Variants in NBAS observed in about 807,000 individuals in gnomAD.
NBAS encodes NAG/BC035112 fusion.
A neutral mutation model predicts 302.5 loss-of-function variants in NBAS; 219 were observed. The ratio of observed to expected loss-of-function variants is 0.72; its 90% CI spans 0.65 to 0.81. The LOEUF (loss-of-function observed/expected upper bound fraction) is 0.81. Ranked by LOEUF, NBAS falls within the 30% of genes least tolerant of loss-of-function variation. The probability of loss-of-function intolerance (pLI) is 0.00; values close to 1 mark genes in which losing one functional copy is unlikely to be tolerated. For synonymous variants in NBAS, 1,118 were observed against 1,021.6 expected (o/e 1.09, Z -1.80); for missense variants, 2,932 against 2,841.6 (o/e 1.03, Z -0.72).
At chr2:14,933,594 C>G in the NBAS span, among the ~76,000 whole-genome samples, 1 of 151,950 alleles carries the variant, frequency 6.6e-6, no homozygotes, top group Non-Finnish European at 1.5e-5. Context: ...AACAAATGAC[C>G]CTCTTTTTTA....
At chr2:15,404,500 CTT>C (rs546532032) in intron 25 of NBAS, among the ~76,000 whole-genome samples, 11 of 148,808 alleles carry the variant, frequency 7.4e-5, no homozygotes, top group Non-Finnish European at 1.5e-4. Flanking sequence ...TAAATAATCA[CTT>C]TTTTTTTTAA....
At chr2:15,329,074 T>C (rs1487099938) in intron 36 of NBAS, among the ~76,000 whole-genome samples, 3 of 152,186 alleles carry the variant, frequency 2.0e-5, no homozygotes, top group African/African-American at 7.2e-5. Context: ...GCAAGAACTT[T>C]AGTATGCCTA....
chr2:14,795,818 G>A, the NBAS span, among the ~76,000 whole-genome samples: 15 of 152,226 alleles, frequency 9.9e-5, no homozygotes, highest in African/African-American at 3.6e-4. Flanking sequence ...AACCCCAACT[G>A]TAACAGCCAA....
At chr2:15,114,020 G>A in the NBAS span, among the ~76,000 whole-genome samples, 433 of 152,046 alleles carry the variant, frequency 2.8e-3, 1 homozygote, top group African/African-American at 9.8e-3. Context: ...CAAAATAAAC[G>A]AACTTAAATA....
At chr2:15,269,539 A>T (rs1034520117) in intron 44 of NBAS, among the ~76,000 whole-genome samples, 1 of 152,206 alleles carries the variant, frequency 6.6e-6, no homozygotes, top group African/African-American at 2.4e-5. Flanking sequence ...AAAAATTCAA[A>T]TTTTGGAAAA....
chr2:15,454,528 C>T (rs1028749390), intron 21 of NBAS, among the ~76,000 whole-genome samples: 2 of 152,182 alleles, frequency 1.3e-5, no homozygotes, highest in Non-Finnish European at 2.9e-5. Flanking sequence ...AAACAACTTA[C>T]ATGTTACACA....
chr2:15,408,788 T>C (rs1296081565), intron 25 of NBAS, among the ~76,000 whole-genome samples: 1 of 152,200 alleles, frequency 6.6e-6, no homozygotes, highest in Admixed American at 6.5e-5. Context: ...TTTCTCTGAA[T>C]CTATAAAATG....
chr2:15,218,571 G>A (rs1343813087), intron 48 of NBAS, among the ~76,000 whole-genome samples: 7 of 152,088 alleles, frequency 4.6e-5, no homozygotes, highest in Non-Finnish European at 5.9e-5. Flanking sequence ...CTACAGATGC[G>A]TGCCACCACA....
intron 41 of NBAS, among the ~76,000 whole-genome samples, chr2:15,291,595 C>T (rs1443074148): frequency 6.6e-6 from 1 of 152,202 alleles, no homozygotes; most frequent in African/African-American, 2.4e-5. Flanking sequence ...AGGTCTCCGC[C>T]TGGGCCTTGA....
the NBAS span, among the ~76,000 whole-genome samples, chr2:14,879,030 A>G: frequency 6.6e-6 from 1 of 152,154 alleles, no homozygotes. Context: ...CTTTTCCAGA[A>G]TGGCATATAT....
chr2:14,781,806 G>A, the NBAS span, among the ~76,000 whole-genome samples: 1 of 151,104 alleles, frequency 6.6e-6, no homozygotes, highest in Admixed American at 6.6e-5. Flanking sequence ...AGATGCAGAT[G>A]TGCAAAAGGC....
chr2:15,177,270 G>C (rs898852317), intron 51 of NBAS, among the ~76,000 whole-genome samples: 1 of 152,158 alleles, frequency 6.6e-6, no homozygotes, highest in Non-Finnish European at 1.5e-5. Flanking sequence ...AAAGTGTTAC[G>C]GAAGTAAATC....
chr2:15,185,413 C>T (rs1665028792), intron 50 of NBAS, among the ~76,000 whole-genome samples: 1 of 152,148 alleles, frequency 6.6e-6, no homozygotes, highest in African/African-American at 2.4e-5. Context: ...TGGTCCTGAT[C>T]TAATAATGCT....
Position 15,396,493 on chromosome 2 carries a change from GAA to G in NBAS, c.3072-20_3072-19del. On this transcript the variant is annotated intron_variant, in intron 26 of 51. Transcript: ENST00000281513. ...TCTTATCACTAATAAATTAAAAGAA[GAA>G]AAAAAAAAGCCCTTAAGTTTAGTAT... The G allele has an allele frequency of 6.6e-6, 9 of 1,355,958 alleles. No individual in the cohort carries two copies. Among genetic ancestry groups the G allele is most frequent in the Admixed American group, 5.1e-5 (2 of 39,556 alleles). The allele number at this position is 1,355,958 out of a possible 1,614,324, so 84.0% of individuals were successfully genotyped here.
the NBAS span, among the ~76,000 whole-genome samples, chr2:14,910,028 C>T: frequency 0.023 from 3,572 of 152,276 alleles, 144 homozygotes; most frequent in African/African-American, 0.082. Context: ...TTCTCAGACC[C>T]GGTTGCCCTG....
intron 40 of NBAS, among the ~76,000 whole-genome samples, chr2:15,293,653 A>G (rs536228471): frequency 6.6e-6 from 1 of 151,314 alleles, no homozygotes; most frequent in Admixed American, 6.6e-5. Context: ...AAATTAGAGA[A>G]AAAAAAAAGA....
the NBAS span, among the ~76,000 whole-genome samples, chr2:14,853,501 G>A: frequency 2.1e-5 from 2 of 95,448 alleles, 1 homozygote; most frequent in African/African-American, 1.1e-4. Context: ...AACCATTGTG[G>A]AAGTCAGTGT....
At chr2:15,059,947 TAAA>T in the NBAS span, among the ~76,000 whole-genome samples, 1,684 of 50,058 alleles carry the variant, frequency 0.034, 55 homozygotes, top group African/African-American at 0.1. Context: ...GCAGTGCTGC[TAAA>T]AAAAAAAAAA....
At chr2:15,132,598 C>G in the NBAS span, among the ~76,000 whole-genome samples, 1 of 152,012 alleles carries the variant, frequency 6.6e-6, no homozygotes, top group Non-Finnish European at 1.5e-5. Context: ...AATAATGTGT[C>G]GATATAGGTT....
Sources: gnomAD v4.1 joint callset for allele counts (sites outside exome capture counted in the v4.1 genomes callset) on GRCh38, gnomAD v4.1.1 for gene constraint, MANE v1.5 for transcripts, NCBI Gene and HGNC (gene_info 2026-07-23, HGNC 2026-07-21) for gene names.